ARFIP1: variants seen among roughly 807,000 people sequenced by gnomAD.
ARFIP1 encodes the protein ARF interacting protein 1, also known as arfaptin-1.
ARFIP1 carries 24 observed loss-of-function variants against 42.5 expected under a neutral mutation model. The ratio of observed to expected loss-of-function variants is 0.57; its 90% confidence interval spans 0.41 to 0.80. The LOEUF is 0.80. Among genes scored for constraint, ARFIP1 ranks in the 30% least tolerant of loss-of-function variants. The probability of loss-of-function intolerance (pLI) is 0.00; values close to 1 mark genes in which losing one functional copy is unlikely to be tolerated. For synonymous variants in ARFIP1, 141 were observed against 153.7 expected (o/e 0.92, Z 0.61); for missense variants, 354 against 434.0 (o/e 0.82, Z 1.64).
chr4:152,838,284 G>T (rs964616546), intron 2 of ARFIP1, among the ~76,000 whole-genome samples: 1 of 151,988 alleles, frequency 6.6e-6, no homozygotes, highest in Non-Finnish European at 1.5e-5. Flanking sequence ...ATGAATTTTA[G>T]AATTGTTTTT....
At chr4:152,873,254 C>G (rs535377877) in intron 5 of ARFIP1, among the ~76,000 whole-genome samples, 9 of 152,298 alleles carry the variant, frequency 5.9e-5, no homozygotes, top group African/African-American at 2.2e-4. Context: ...AGCCACAATT[C>G]TCCCTATATT....
At chr4:152,812,953 A>T (rs1330060407) in intron 1 of ARFIP1, among the ~76,000 whole-genome samples, 1 of 152,038 alleles carries the variant, frequency 6.6e-6, no homozygotes, top group South Asian at 2.1e-4. Flanking sequence ...TGATTTATTG[A>T]CTATATTGTA....
chr4:152,871,056 C>T (rs1734839165), intron 4 of ARFIP1, among the ~76,000 whole-genome samples: 2 of 152,138 alleles, frequency 1.3e-5, no homozygotes, highest in Non-Finnish European at 2.9e-5. Flanking sequence ...GTATCTCACA[C>T]CTGAAACTTA....
At chr4:152,849,947 G>T (rs1732851250) in intron 2 of ARFIP1, among the ~76,000 whole-genome samples, 1 of 152,306 alleles carries the variant, frequency 6.6e-6, no homozygotes, top group South Asian at 2.1e-4. Flanking sequence ...CTAAGGTGTA[G>T]ATTGGGTTAT....
At chr4:152,842,691 G>A (rs1732192767) in intron 2 of ARFIP1, among the ~76,000 whole-genome samples, 1 of 152,028 alleles carries the variant, frequency 6.6e-6, no homozygotes, top group South Asian at 2.1e-4. Flanking sequence ...TCTTCTACTT[G>A]TTCAATTCTG....
intron 1 of ARFIP1, among the ~76,000 whole-genome samples, chr4:152,786,672 C>G (rs868635737): frequency 2.6e-5 from 4 of 152,172 alleles, no homozygotes; most frequent in Non-Finnish European, 1.5e-5. Context: ...CCTTCTTCCT[C>G]CCCCAGTGCT....
chr4:152,811,800 A>G (rs980068083), intron 1 of ARFIP1, among the ~76,000 whole-genome samples: 11 of 152,172 alleles, frequency 7.2e-5, no homozygotes, highest in African/African-American at 2.2e-4. Flanking sequence ...GGTATCATGT[A>G]TATTTTTTGT....
Position 152,847,010 on chromosome 4 carries a change from C to G in ARFIP1, c.94-16596C>G, listed in dbSNP as rs922744211. Among the ~76,000 whole-genome samples the G allele has an allele frequency of 2.6e-5, 4 of 151,714 alleles. No individual in the cohort carries two copies. In the South Asian group the frequency reaches 8.3e-4, roughly 32 times the overall value. ...CTTTCTTAGTCTGTCCTAAGAGAGG[C>G]CCTGGTTAGCTTTACACTCAATATT... On this transcript the variant is annotated intron_variant, in intron 2 of 8. Coordinates refer to ENST00000353617, the MANE Select transcript of ARFIP1 (RefSeq NM_001025595.3).
At chr4:152,903,077 A>C (rs964882403) in intron 8 of ARFIP1, among the ~76,000 whole-genome samples, 1 of 152,188 alleles carries the variant, frequency 6.6e-6, no homozygotes, top group Non-Finnish European at 1.5e-5. Flanking sequence ...ATTTCAATGT[A>C]TTTAATAACC....
chr4:152,843,295 A>G (rs917740254), intron 2 of ARFIP1, among the ~76,000 whole-genome samples: 12 of 152,112 alleles, frequency 7.9e-5, no homozygotes, highest in African/African-American at 2.9e-4. Flanking sequence ...TCAGCCATGG[A>G]TTCCAGCACC....
intron 1 of ARFIP1, among the ~76,000 whole-genome samples, chr4:152,815,181 C>CT (rs900374675): frequency 9.2e-5 from 14 of 151,574 alleles, no homozygotes; most frequent in East Asian, 1.9e-4. Flanking sequence ...TCTTCTGCTT[C>CT]TTTTTTTTTA....
intron 1 of ARFIP1, among the ~76,000 whole-genome samples, chr4:152,796,997 A>G (rs551612765): frequency 6.6e-6 from 1 of 152,188 alleles, no homozygotes; most frequent in Non-Finnish European, 1.5e-5. Flanking sequence ...TCCAATTAAA[A>G]AATTTTATGT....
At chr4:152,892,820 C>A (rs1736977322) in intron 8 of ARFIP1, among the ~76,000 whole-genome samples, 1 of 152,198 alleles carries the variant, frequency 6.6e-6, no homozygotes, top group African/African-American at 2.4e-5. Flanking sequence ...CCTAAACAAT[C>A]CTTATTCATC....
At chr4:152,891,091 C>T (rs1264139735) in intron 8 of ARFIP1, among the ~76,000 whole-genome samples, 1 of 152,190 alleles carries the variant, frequency 6.6e-6, no homozygotes, top group Non-Finnish European at 1.5e-5. Context: ...GGAGGGGTCC[C>T]TCCCATTCCT....
chr4:152,867,057 A>G (rs374981727), intron 3 of ARFIP1, among the ~76,000 whole-genome samples: 2 of 139,890 alleles, frequency 1.4e-5, no homozygotes, highest in African/African-American at 3.0e-5. Context: ...GACGATGGGC[A>G]GCCAGGCAGA....
At chr4:152,806,184 T>C (rs1490519166) in intron 1 of ARFIP1, among the ~76,000 whole-genome samples, 1 of 152,276 alleles carries the variant, frequency 6.6e-6, no homozygotes, top group Non-Finnish European at 1.5e-5. Context: ...GCAGTACTTC[T>C]AATTTTCAGA....
intron 1 of ARFIP1, among the ~76,000 whole-genome samples, chr4:152,816,420 A>G (rs1166132226): frequency 1.3e-5 from 2 of 151,486 alleles, no homozygotes; most frequent in African/African-American, 4.9e-5. Flanking sequence ...GCATGATACC[A>G]CCTCCTGATA....
chr4:152,827,656 A>C (rs1427372972), intron 1 of ARFIP1, among the ~76,000 whole-genome samples: 1 of 152,068 alleles, frequency 6.6e-6, no homozygotes, highest in Non-Finnish European at 1.5e-5. Context: ...GGAATCATAC[A>C]GTATGTAGCC....
intron 1 of ARFIP1, among the ~76,000 whole-genome samples, chr4:152,804,477 A>T (rs1454863003): frequency 2.1e-4 from 22 of 106,568 alleles, no homozygotes; most frequent in African/African-American, 7.1e-4. Flanking sequence ...AATATATATA[A>T]TATATATTAT....
Sources: gnomAD v4.1 joint callset for allele counts (sites outside exome capture counted in the v4.1 genomes callset) on GRCh38, gnomAD v4.1.1 for gene constraint, MANE v1.5 for transcripts, NCBI Gene and HGNC (gene_info 2026-07-23, HGNC 2026-07-21) for gene names.